The following WAPL variants were observed in gnomAD, a reference collection of about 807,000 sequenced individuals.
The protein encoded by WAPL is WAPL cohesin release factor, also known as wings apart-like protein homolog.
A neutral mutation model predicts 121.0 loss-of-function variants in WAPL; 5 were observed. The ratio of observed to expected loss-of-function variants is 0.04; its 90% CI spans 0.02 to 0.09. The LOEUF is 0.09. Among genes scored for constraint, WAPL ranks in the 10% least tolerant of loss-of-function variants. The pLI is 1.00. For synonymous variants in WAPL, 480 were observed against 481.5 expected, an observed-to-expected ratio of 1.00 and a Z score of 0.04; for missense variants, 999 against 1,410.8, an observed-to-expected ratio of 0.71 and a Z score of 4.68.
rs113414398 is a variant in WAPL at position 86,440,236 on chromosome 10, T to C, written c.3412-2221A>G. Among the ~76,000 whole-genome samples the C allele has an allele frequency of 1.6e-3, 244 of 152,034 alleles. 1 individual carries two copies. The highest frequency in any genetic ancestry group is 5.6e-3 in the African/African-American group (232 of 41,502). On this transcript the variant is annotated intron_variant, in intron 17 of 18. Transcript: ENST00000298767. ...CGTGACTGAAATATGACTAAACCTA[T>C]AGTGTGTAAAAAACAGAGTATCTAA... is the stretch of plus-strand genomic sequence containing the variant.
At position 86,499,796 on chromosome 10, in the gene WAPL, C is replaced by T; in HGVS notation, c.1447G>A (p.Ala483Thr). The T allele has an allele frequency of 6.2e-7, 1 of 1,612,466 alleles. No individual in the cohort carries two copies. Among genetic ancestry groups the T allele is most frequent in the Non-Finnish European group, 8.5e-7 (1 of 1,179,562 alleles). Residue 483 changes from alanine (A) to threonine (T), a missense_variant, in exon 3 of 19, where the codon GCT (alanine) becomes ACT (threonine). Transcript: ENST00000298767. ...RKTSKKRTKT[A>T]PSPSLQPPPE... ...GGAGGCTGCAAGGAGGGTGATGGAG[C>T]TGTTTTAGTTCTTTTTTTGCTTGTC... is the stretch of plus-strand genomic sequence containing the variant.
intron 15 of WAPL, among the ~76,000 whole-genome samples, chr10:86,447,760 A>G (rs534790379): frequency 1.3e-5 from 2 of 152,332 alleles, no homozygotes; most frequent in East Asian, 1.9e-4. Context: ...TTTGAAAAGT[A>G]TGGCCTGGCC....
At chr10:86,475,547 T>G (rs898723709) in intron 4 of WAPL, among the ~76,000 whole-genome samples, 1 of 152,264 alleles carries the variant, frequency 6.6e-6, no homozygotes, top group African/African-American at 2.4e-5. Flanking sequence ...AATTCTCATT[T>G]GGATTGTGTA....
Position 86,521,764 on chromosome 10 carries a change from CT to C in WAPL, c.-423del. On this transcript the variant is annotated 5_prime_UTR_variant, in exon 1 of 19. Transcript: ENST00000298767. ...CATTTGCGCTCCCGGCCCCCACCTC[CT>C]TCCTCCAACAGCCGCTCGCTCCGTC... 2.2e-6 allele frequency: 1 copy of C among 444,878 alleles called. No individual in the cohort carries two copies. The highest frequency in any genetic ancestry group is 2.5e-5 in the Admixed American group (1 of 39,680). The allele number at this position is 444,878 out of a possible 1,614,324, so 27.6% of individuals were successfully genotyped here. A position where few individuals can be genotyped will look rare whatever the true frequency, so the allele number is the denominator to read the frequency against.
chr10:86,446,814 G>A (rs1406050768), intron 15 of WAPL, among the ~76,000 whole-genome samples: 3 of 152,146 alleles, frequency 2.0e-5, no homozygotes. Flanking sequence ...CCCTATGCTG[G>A]TATAGTACTG....
intron 13 of WAPL, 95 bp from the exon 14 acceptor site, chr10:86,453,430 GTA>G (rs1841049450): frequency 1.0e-5 from 14 of 1,343,474 alleles, no homozygotes; most frequent in Admixed American, 6.0e-5. Context: ...ACTTAGAATT[GTA>G]TAGTCATTCC....
chr10:86,450,394 C>A (rs1178421495), intron 15 of WAPL, among the ~76,000 whole-genome samples: 1 of 152,154 alleles, frequency 6.6e-6, no homozygotes, highest in South Asian at 2.1e-4. Flanking sequence ...CACCACCACA[C>A]TCAACCAACT....
chr10:86,451,755 T>C (rs1278945487), intron 15 of WAPL, among the ~76,000 whole-genome samples: 1 of 152,186 alleles, frequency 6.6e-6, no homozygotes, highest in East Asian at 1.9e-4. Context: ...CTAGACGCTG[T>C]GAATATTTAA....
At chr10:86,512,885 A>G (rs575153010) in intron 2 of WAPL, among the ~76,000 whole-genome samples, 1 of 152,302 alleles carries the variant, frequency 6.6e-6, no homozygotes, top group Admixed American at 6.5e-5. Context: ...GTGTGCCTGA[A>G]AAGTTTCATA....
Position 86,517,713 on chromosome 10 carries a change from A to G in WAPL, c.357T>C (p.Ile119=), listed in dbSNP as rs769697895. The stretch of plus-strand genomic sequence containing the variant: ...CAGTGTCTTCAACGACCACATGACT[A>G]ATTTTGCTATTAGCTTCAAGTACTG... The part of the protein sequence containing the change: ...VTSVLEANSK[I]SHVVVEDTVV... The change falls in exon 2 of 19, where the codon ATT becomes ATC. Residue 119 remains isoleucine (I), a synonymous_variant. Coordinates refer to ENST00000298767, the MANE Select transcript of WAPL (RefSeq NM_015045.5). 9 of 1,614,150 alleles carry G rather than the reference A, an allele frequency of 5.6e-6. No homozygotes were observed. The highest frequency in any genetic ancestry group is 7.6e-6 in the Non-Finnish European group (9 of 1,180,018).
rs1396019141 is a variant in WAPL, at chr10:86,472,847, CA to C, written c.1741-84del. The C allele has an allele frequency of 1.0e-4, 142 of 1,353,694 alleles. No homozygotes were observed. Among genetic ancestry groups the C allele is most frequent in the Middle Eastern group, 2.7e-4 (1 of 3,724 alleles). The allele number at this position is 1,353,694 out of a possible 1,614,324, so 83.9% of individuals were successfully genotyped here. A position where few individuals can be genotyped will look rare whatever the true frequency, so the allele number is the denominator to read the frequency against. ...CTCATCTATCTGGCAAATTCAGCTT[CA>C]AAAAAAAGTAAATAAAGCTTTTTAA... On this transcript the variant is annotated intron_variant, in intron 5 of 18. Coordinates refer to ENST00000298767, the MANE Select transcript of WAPL (RefSeq NM_015045.5). This position sits in a 1 kb window ranked among gnomAD's most constrained non-coding sequence, Gnocchi z 4.2.
rs530208382 is a variant in WAPL, at chr10:86,477,476, T to C, written c.1645-3503A>G. Among the ~76,000 whole-genome samples the C allele has an allele frequency of 5.4e-4, 83 of 152,306 alleles. 2 individuals are homozygous for C. The Middle Eastern group carries it at 0.01, about 19-fold the overall frequency. On this transcript the variant is annotated intron_variant, in intron 4 of 18. Transcript: ENST00000298767. ...CATTCTGATTGCACCACCAGGCTTG[T>C]CTTTAATCTTCTTAATTTTATTCTT...
At chr10:86,482,569 G>T (rs1291916823) in intron 4 of WAPL, among the ~76,000 whole-genome samples, 2 of 152,180 alleles carry the variant, frequency 1.3e-5, no homozygotes, top group African/African-American at 4.8e-5. Flanking sequence ...CGAGCCTACA[G>T]CTGACCAGGT....
chr10:86,454,968 C>T (rs535344058), intron 12 of WAPL, among the ~76,000 whole-genome samples: 3 of 151,878 alleles, frequency 2.0e-5, no homozygotes, highest in South Asian at 4.1e-4. Context: ...GGCAGCCGCC[C>T]GGTCTGGGAA....
chr10:86,487,005 G>T (rs1476187130), intron 4 of WAPL, among the ~76,000 whole-genome samples: 1 of 151,922 alleles, frequency 6.6e-6, no homozygotes, highest in African/African-American at 2.4e-5. Flanking sequence ...AATTGAAACT[G>T]AGATTGACGT....
intron 12 of WAPL, among the ~76,000 whole-genome samples, chr10:86,458,093 T>C (rs1018190825): frequency 6.6e-6 from 1 of 152,238 alleles, no homozygotes; most frequent in African/African-American, 2.4e-5. Context: ...GGGCCTTTGA[T>C]AAGGCTGACT....
chr10:86,500,754 A>C lies in WAPL; in HGVS notation c.500-11T>G. 1.3e-6 allele frequency: 2 copies of C among 1,536,778 alleles called. No homozygotes were observed. The highest frequency in any genetic ancestry group is 1.7e-6 in the Non-Finnish European group (2 of 1,149,578). ...AATTCTCCACTTTATCTGTAAAAATAAGTCAAAGGATAAAAACATGAGTGG... is the reference window on the plus strand; with the variant it reads ...AATTCTCCACTTTATCTGTAAAAATCAGTCAAAGGATAAAAACATGAGTGG... On this transcript the variant is annotated splice_polypyrimidine_tract_variant and intron_variant, in intron 2 of 18. Coordinates refer to ENST00000298767, the MANE Select transcript of WAPL (RefSeq NM_015045.5).
At position 86,472,113 on chromosome 10, in the gene WAPL, CAAAAT is replaced by C; in HGVS notation, c.2030+90_2030+94del. The C allele has an allele frequency of 1.6e-6, 2 of 1,264,744 alleles. No individual in the cohort carries two copies. The highest frequency in any genetic ancestry group is 1.1e-6 in the Non-Finnish European group (1 of 933,802). The allele number at this position is 1,264,744 out of a possible 1,614,324, so 78.3% of individuals were successfully genotyped here. A position where few individuals can be genotyped will look rare whatever the true frequency, so the allele number is the denominator to read the frequency against. The stretch of plus-strand genomic sequence containing the variant: ...GGCTATACATACTACCCCATCATAA[CAAAAT>C]AAAAAATGTTTGGCTTTTTGGACAA... On this transcript the variant is annotated intron_variant, in intron 7 of 18. Coordinates refer to ENST00000298767, the MANE Select transcript of WAPL (RefSeq NM_015045.5). The surrounding 1 kb of genome is among the most constrained non-coding windows in gnomAD (Gnocchi z 4.2).
chr10:86,496,235 C>T (rs947421624), intron 4 of WAPL, among the ~76,000 whole-genome samples: 1 of 152,144 alleles, frequency 6.6e-6, no homozygotes, highest in Admixed American at 6.6e-5. Context: ...GCAAATCAAA[C>T]CACAATGAGA....
Sources: gnomAD v4.1 joint callset for allele counts (sites outside exome capture counted in the v4.1 genomes callset) on GRCh38, gnomAD v4.1.1 for gene constraint, Gnocchi (gnomAD v3.1) non-coding constraint, MANE v1.5 for transcripts, NCBI Gene and HGNC (gene_info 2026-07-23, HGNC 2026-07-21) for gene names.